POU6F2: variants seen among roughly 807,000 people sequenced by gnomAD.
POU6F2 encodes POU domain, class 6, transcription factor 2.
Under a neutral mutation model 71.3 loss-of-function variants are expected in POU6F2, and 31 were observed. The observed-to-expected ratio is 0.43, with a 90% CI of 0.33 to 0.59. The LOEUF (loss-of-function observed/expected upper bound fraction) is 0.59. Among genes scored for constraint, POU6F2 ranks in the 20% least tolerant of loss-of-function variants. The probability of loss-of-function intolerance (pLI) is 0.04; values close to 1 mark genes in which losing one functional copy is unlikely to be tolerated. For synonymous variants in POU6F2, 347 were observed against 355.7 expected, an observed-to-expected ratio of 0.98 and a Z score of 0.27; for missense variants, 783 against 856.8, an observed-to-expected ratio of 0.91 and a Z score of 1.07.
chr7:39,099,905 G>A (rs535612968), intron 2 of POU6F2, among the ~76,000 whole-genome samples: 1 of 152,272 alleles, frequency 6.6e-6, no homozygotes, highest in South Asian at 2.1e-4. Flanking sequence ...GGCTCTGAAC[G>A]TTAAGATCTC....
chr7:39,293,447 C>T (rs1562779542), intron 4 of POU6F2, among the ~76,000 whole-genome samples: 1 of 152,134 alleles, frequency 6.6e-6, no homozygotes, highest in Non-Finnish European at 1.5e-5. Flanking sequence ...ATAATAAGGC[C>T]GCTTGGGGCC....
chr7:39,083,234 T>C lies in POU6F2; in HGVS notation c.106-2626T>C, dbSNP rs569439429. On this transcript the variant is annotated intron_variant, in intron 1 of 9. Coordinates refer to ENST00000518318, the MANE Select transcript of POU6F2 (RefSeq NM_001370959.1). Reference sequence around the variant, plus strand: ...TCACTGGCACATTAATAATCATGTCTGTTTTATCATAAGACTGCTATTCTC... The same window carrying C: ...TCACTGGCACATTAATAATCATGTCCGTTTTATCATAAGACTGCTATTCTC... Among the ~76,000 whole-genome samples the C allele has an allele frequency of 2.0e-5, 3 of 152,326 alleles. No individual in the cohort carries two copies. The South Asian group carries it at 6.2e-4, about 32-fold the overall frequency.
At chr7:39,348,902 A>C (rs1786082077) in intron 5 of POU6F2, among the ~76,000 whole-genome samples, 1 of 152,236 alleles carries the variant, frequency 6.6e-6, no homozygotes, top group Non-Finnish European at 1.5e-5. Flanking sequence ...AGAGATGTCT[A>C]GTTAACACGA....
intron 5 of POU6F2, among the ~76,000 whole-genome samples, chr7:39,387,495 A>G (rs942445679): frequency 6.6e-6 from 1 of 152,328 alleles, no homozygotes. Context: ...TACGTCTCTA[A>G]CAAATACACT....
chr7:39,448,941 T>C (rs948328612), intron 7 of POU6F2, among the ~76,000 whole-genome samples: 2 of 152,246 alleles, frequency 1.3e-5, no homozygotes, highest in African/African-American at 2.4e-5. Context: ...ATCTTTAATA[T>C]GTGTCCCTAC....
chr7:39,249,431 C>G (rs535283497), intron 4 of POU6F2, among the ~76,000 whole-genome samples: 143 of 152,264 alleles, frequency 9.4e-4, no homozygotes, highest in African/African-American at 3.3e-3. Context: ...CGTACAGCAC[C>G]CACCACATTT....
At chr7:39,074,779 C>A (rs531414434) in intron 1 of POU6F2, among the ~76,000 whole-genome samples, 1 of 152,242 alleles carries the variant, frequency 6.6e-6, no homozygotes, top group South Asian at 2.1e-4. Context: ...ATAAACTACA[C>A]AAACAGTCAC....
chr7:39,027,936 A>C (rs938123787), intron 1 of POU6F2, among the ~76,000 whole-genome samples: 1 of 152,222 alleles, frequency 6.6e-6, no homozygotes, highest in South Asian at 2.1e-4. Context: ...TCAGATGCAT[A>C]TACCAATTTA....
intron 4 of POU6F2, among the ~76,000 whole-genome samples, chr7:39,210,759 G>A (rs78044616): frequency 9.2e-5 from 14 of 152,112 alleles, no homozygotes; most frequent in East Asian, 3.9e-4. Context: ...CAAGACTCTC[G>A]GAACAGAATC....
chr7:39,440,339 C>T (rs1788369136), intron 7 of POU6F2, among the ~76,000 whole-genome samples: 1 of 152,156 alleles, frequency 6.6e-6, no homozygotes, highest in Non-Finnish European at 1.5e-5. Context: ...TAGGTTTGGT[C>T]TTTTGATGAA....
At position 39,247,019 on chromosome 7, in the gene POU6F2, G is replaced by A. The variant is rs184025887; in HGVS notation, c.598+39399G>A. ...CTCCATCTCCAGGGTGGCTTTGTTA[G>A]CCTGTAACCACTCTGACTGAGAAAC... On this transcript the variant is annotated intron_variant, in intron 4 of 9. Coordinates refer to ENST00000518318, the MANE Select transcript of POU6F2 (RefSeq NM_001370959.1). Among the ~76,000 whole-genome samples the A allele has an allele frequency of 6.8e-5, 10 of 148,084 alleles. No homozygotes were observed. The East Asian group carries it at 2.0e-3, about 30-fold the overall frequency.
Position 39,467,868 on chromosome 7 carries a change from G to A in POU6F2, c.*3182G>A, listed in dbSNP as rs1789109472. On this transcript the variant is annotated 3_prime_UTR_variant, in exon 10 of 10. Transcript: ENST00000518318. ...GCTCGTTTCTCTACGCTGGACCAAA[G>A]CTCAATATTTGTAGGTATATGCACA... The A allele has an allele frequency of 6.6e-6, 1 of 152,058 alleles. No individual in the cohort carries two copies. Among genetic ancestry groups the A allele is most frequent in the Admixed American group, 6.6e-5 (1 of 15,262 alleles). 9.4% of individuals were successfully genotyped at this position (152,058 alleles called of 1,614,324 possible). A position where few individuals can be genotyped will look rare whatever the true frequency, so the allele number is the denominator to read the frequency against.
chr7:39,363,748 C>G (rs1232561145), intron 5 of POU6F2, among the ~76,000 whole-genome samples: 1 of 151,392 alleles, frequency 6.6e-6, no homozygotes, highest in African/African-American at 2.4e-5. Flanking sequence ...CTGTGTCAAC[C>G]AGTTTGGGTA....
intron 5 of POU6F2, among the ~76,000 whole-genome samples, chr7:39,393,681 G>C (rs1170400148): frequency 6.6e-6 from 1 of 152,024 alleles, no homozygotes; most frequent in African/African-American, 2.4e-5. Flanking sequence ...ATTTTTTGTG[G>C]GATGGCTAGC....
rs566739157 is a variant in POU6F2, at chr7:39,150,134, G to A, written c.278-54101G>A. ...TCTCGATCTCCTGACCTCGTGATCC[G>A]CCTGCCTCGGCCTCTCAAAGTGCTG... is the stretch of plus-strand genomic sequence containing the variant. On this transcript the variant is annotated intron_variant, in intron 2 of 9. Coordinates refer to ENST00000518318, the MANE Select transcript of POU6F2 (RefSeq NM_001370959.1). Among the ~76,000 whole-genome samples the A allele has an allele frequency of 2.6e-5, 4 of 151,986 alleles. No individual in the cohort carries two copies. The South Asian group carries it at 6.2e-4, about 24-fold the overall frequency.
In POU6F2 at chr7:39,464,603, A is replaced by T; in HGVS notation, c.2080A>T (p.Thr694Ser). The change falls in exon 10 of 10, where the codon ACA (threonine) becomes TCA (serine). Residue 694 changes from threonine (T) to serine (S), a missense_variant. Around this residue, in one of 2 missense-constraint regions of POU6F2, gnomAD observed 211 missense variants for 283.9 expected, o/e 0.74. Transcript: ENST00000518318. The surrounding 1 kb of genome is among the most constrained non-coding windows in gnomAD (Gnocchi z 4.1). ...FCNKRQALKN[T>S]IKRLKQHEPA... is the part of the protein sequence containing the mutation. ...CAATAAGAGGCAAGCCCTGAAGAAC[A>T]CAATTAAACGCTTAAAACAGCACGA... The T allele has an allele frequency of 6.2e-7, 1 of 1,611,314 alleles. No homozygotes were observed. Among genetic ancestry groups the T allele is most frequent in the Non-Finnish European group, 8.5e-7 (1 of 1,178,760 alleles).
At chr7:39,187,395 T>C (rs945949263) in intron 2 of POU6F2, among the ~76,000 whole-genome samples, 1 of 152,226 alleles carries the variant, frequency 6.6e-6, no homozygotes, top group African/African-American at 2.4e-5. Context: ...GACTCAGCTG[T>C]CTGAGAGTAA....
intron 4 of POU6F2, among the ~76,000 whole-genome samples, chr7:39,252,768 G>GGTCC (rs1420975013): frequency 1.3e-5 from 2 of 152,094 alleles, no homozygotes; most frequent in African/African-American, 4.8e-5. Context: ...TCCCTCCAGA[G>GGTCC]GTCCGCTCAT....
At chr7:39,035,092 T>A (rs908202613) in intron 1 of POU6F2, among the ~76,000 whole-genome samples, 1 of 151,360 alleles carries the variant, frequency 6.6e-6, no homozygotes, top group Non-Finnish European at 1.5e-5. Context: ...GTATATATAT[T>A]TTTAATATTT....
Sources: allele counts gnomAD v4.1 joint callset (sites outside exome capture counted in the v4.1 genomes callset), GRCh38; gene constraint gnomAD v4.1.1; regional missense constraint gnomAD v4.1.1; non-coding constraint Gnocchi (gnomAD v3.1); transcripts MANE v1.5; gene names NCBI Gene and HGNC (gene_info 2026-07-23, HGNC 2026-07-21).